Variants in SCN7A observed in about 807,000 individuals in gnomAD.
SCN7A encodes sodium voltage-gated channel alpha subunit 7.
Under a neutral mutation model 155.2 loss-of-function variants are expected in SCN7A, and 138 were observed. The ratio of observed to expected loss-of-function variants is 0.89; its 90% CI spans 0.77 to 1.02. The LOEUF is 1.02. Among genes scored for constraint, SCN7A ranks in the 50% least tolerant of loss-of-function variants. The pLI is 0.00. For synonymous variants in SCN7A, 693 were observed against 649.0 expected (o/e 1.07, Z -1.03); for missense variants, 2,058 against 1,986.6 (o/e 1.04, Z -0.68).
chr2:166,489,164 G>A (rs1380994101), intron 1 of SCN7A, among the ~76,000 whole-genome samples: 1 of 152,194 alleles, frequency 6.6e-6, no homozygotes, highest in Non-Finnish European at 1.5e-5. Context: ...GGAATGAGAT[G>A]GATATGTCTG....
At chr2:166,414,855 TAATA>T (rs1361219457) in intron 21 of SCN7A, 1 of 128,092 alleles carries the variant, frequency 7.8e-6, no homozygotes, top group African/African-American at 3.0e-5. Context: ...ATAGGATATA[TAATA>T]TATAATATAT....
chr2:166,463,591 A>G (rs1198881471), intron 9 of SCN7A, among the ~76,000 whole-genome samples: 3 of 152,304 alleles, frequency 2.0e-5, no homozygotes, highest in East Asian at 3.9e-4. Flanking sequence ...AATATCCATG[A>G]CCATGTGTAT....
rs776745425 is a variant in SCN7A, at chr2:166,462,513, T to A, written c.959A>T (p.Tyr320Phe). Reference sequence around the variant, plus strand: ...ATTTATGCCAGCTTTTACACACACATATCCTTCAGGACACTGACTAAAGAA... The same window carrying A: ...ATTTATGCCAGCTTTTACACACACAAATCCTTCAGGACACTGACTAAAGAA... ...RTDAGQCPEG[Y>F]VCVKAGINPD... is the part of the protein sequence containing the mutation. Residue 320 changes from tyrosine to phenylalanine, a missense_variant, in exon 10 of 26, where the codon TAT (tyrosine) becomes TTT (phenylalanine). Coordinates refer to ENST00000643258, the MANE Select transcript of SCN7A (RefSeq NM_002976.4). 6.2e-7 allele frequency: 1 copy of A among 1,613,846 alleles called. No homozygotes were observed. Among genetic ancestry groups the A allele is most frequent in the South Asian group, 1.1e-5 (1 of 91,052 alleles).
chr2:166,460,420 C>A (rs1413598546), intron 10 of SCN7A, among the ~76,000 whole-genome samples: 1 of 151,958 alleles, frequency 6.6e-6, no homozygotes, highest in African/African-American at 2.4e-5. Flanking sequence ...TAAAATAAGA[C>A]AAAAATACTT....
intron 20 of SCN7A, among the ~76,000 whole-genome samples, chr2:166,417,661 T>C (rs1701409758): frequency 6.6e-6 from 1 of 151,188 alleles, no homozygotes; most frequent in Non-Finnish European, 1.5e-5. Flanking sequence ...TCAAGATAAC[T>C]GAACCCATGT....
chr2:166,452,994 T>C (rs897512518), intron 11 of SCN7A, among the ~76,000 whole-genome samples: 7 of 152,318 alleles, frequency 4.6e-5, no homozygotes, highest in Middle Eastern at 3.4e-3. Flanking sequence ...TGTTTCTCTG[T>C]TGAAACAGCC....
intron 18 of SCN7A, among the ~76,000 whole-genome samples, chr2:166,426,678 A>T (rs1701631476): frequency 6.6e-6 from 1 of 152,076 alleles, no homozygotes; most frequent in Non-Finnish European, 1.5e-5. Flanking sequence ...AATCTATGGC[A>T]GTTGAAGTCC....
At position 166,462,434 on chromosome 2, in the gene SCN7A, T is replaced by C. The variant is rs756374073; in HGVS notation, c.1038A>G (p.Leu346=). ...FDSFGWALFA[L]FRLMAQDYPE... ...GGTAATCCTGAGCCATTAACCGAAA[T>C]AGGGCAAATAAGGCCCAGCCAAAAC... The change falls in exon 10 of 26, where the codon CTA becomes CTG. Residue 346 remains leucine (L), a synonymous_variant. Coordinates refer to ENST00000643258, the MANE Select transcript of SCN7A (RefSeq NM_002976.4). 3.7e-6 allele frequency: 6 copies of C among 1,609,550 alleles called. No individual in the cohort carries two copies. The highest frequency in any genetic ancestry group is 4.2e-6 in the Non-Finnish European group (5 of 1,177,684).
intron 25 of SCN7A, 25 bp from the exon 26 acceptor site, chr2:166,406,671 G>A (rs1326999072): frequency 7.0e-7 from 1 of 1,437,828 alleles, no homozygotes; most frequent in Admixed American, 2.1e-5. Context: ...GATAAAGCAG[G>A]CTATACATTA....
intron 16 of SCN7A, among the ~76,000 whole-genome samples, chr2:166,431,754 G>T (rs1209743650): frequency 1.3e-5 from 2 of 152,020 alleles, no homozygotes; most frequent in African/African-American, 4.8e-5. Context: ...AAACTGGGAG[G>T]TTTTAAAAAT....
intron 15 of SCN7A, chr2:166,436,378 T>C: frequency 6.8e-6 from 3 of 438,506 alleles, no homozygotes; most frequent in South Asian, 3.2e-5. Flanking sequence ...GCTGCTGCAA[T>C]GTGAAGGACA....
chr2:166,436,465 CCT>C lies in SCN7A; in HGVS notation c.2158-3715_2158-3714del, dbSNP rs142366314. 1.3e-4 allele frequency: 50 copies of C among 390,662 alleles called. No individual in the cohort carries two copies. In the East Asian group the frequency reaches 4.1e-3, roughly 32 times the overall value. 24.2% of individuals were successfully genotyped at this position (390,662 alleles called of 1,614,324 possible). On this transcript the variant is annotated intron_variant, in intron 15 of 25. Transcript: ENST00000643258. ...CCTGTGGAACCGTGAGTCAGTTAAACCTCTTTCTTTTGTAAATTATCCAGCCT... is the reference window on the plus strand; with the variant it reads ...CCTGTGGAACCGTGAGTCAGTTAAACCTTTCTTTTGTAAATTATCCAGCCT...
chr2:166,415,216 T>C (rs2105377031), intron 21 of SCN7A, among the ~76,000 whole-genome samples: 1 of 146,514 alleles, frequency 6.8e-6, no homozygotes, highest in East Asian at 2.0e-4. Flanking sequence ...GTATTTAACT[T>C]TTGTCTCTTT....
chr2:166,421,275 C>T lies in SCN7A; in HGVS notation c.3050G>A (p.Gly1017Asp). The change falls in exon 20 of 26, where the codon GGC (glycine) becomes GAC (aspartate). Residue 1017 changes from glycine (G) to aspartate (D), a missense_variant. By Grantham distance (94) the Gly-to-Asp change is moderately conservative. Coordinates refer to ENST00000643258, the MANE Select transcript of SCN7A (RefSeq NM_002976.4). ...VVIVFCLSLI[G>D]KTREELKPLI... ...AGGTTTTAGTTCTTCCCGAGTTTTG[C>T]CTATTAAGCTAAGACAAAACACCTA... is the stretch of plus-strand genomic sequence containing the variant. 1.3e-6 allele frequency: 2 copies of T among 1,527,606 alleles called. No homozygotes were observed. The highest frequency in any genetic ancestry group is 2.1e-5 in the Admixed American group (1 of 48,000). The allele number at this position is 1,527,606 out of a possible 1,614,324, so 94.6% of individuals were successfully genotyped here.
intron 11 of SCN7A, among the ~76,000 whole-genome samples, chr2:166,448,714 G>T (rs914955294): frequency 6.6e-6 from 1 of 152,264 alleles, no homozygotes; most frequent in South Asian, 2.1e-4. Flanking sequence ...ACCAGGAAAT[G>T]GTTGTGGTAT....
In SCN7A at chr2:166,423,292, A is replaced by T; in HGVS notation, c.2994T>A (p.Asn998Lys). The change falls in exon 19 of 26, where the codon AAT (asparagine) becomes AAA (lysine). Residue 998 changes from asparagine to lysine, a missense_variant. Transcript: ENST00000643258. Reference protein sequence around the residue: ...MAYGFKAYFSNGWYRLDFVVV... With the variant: ...MAYGFKAYFSKGWYRLDFVVV... ...CCACGAAGTCCAGCCTGTACCAGCC[A>T]TTAGAGAAATAGGCCTTAAAACCAT... 1.9e-6 allele frequency: 3 copies of T among 1,610,228 alleles called. No individual in the cohort carries two copies. Among genetic ancestry groups the T allele is most frequent in the Non-Finnish European group, 2.5e-6 (3 of 1,178,680 alleles).
intron 17 of SCN7A, 50 bp from the exon 18 acceptor site, chr2:166,427,992 A>G (rs1384914290): frequency 1.9e-6 from 3 of 1,576,426 alleles, no homozygotes; most frequent in East Asian, 4.5e-5. Context: ...CTCATGAAAA[A>G]GTAAACAACT....
intron 12 of SCN7A, 73 bp downstream of exon 12, chr2:166,447,539 G>T: frequency 1.1e-6 from 1 of 923,282 alleles, no homozygotes; most frequent in Non-Finnish European, 1.7e-6. Context: ...TGAAGAAATT[G>T]CTGAATTTCT....
rs970527678 is a variant in SCN7A, at chr2:166,429,163, T to C, written c.2698+6A>G. On this transcript the variant is annotated splice_donor_region_variant and intron_variant, in intron 17 of 25. Coordinates refer to ENST00000643258, the MANE Select transcript of SCN7A (RefSeq NM_002976.4). Reference sequence around the variant, plus strand: ...TTTCCTAGCAAGATTAACAAAATTTTCTTACCATTTTTCAGATGCTTTGAT... The same window carrying C: ...TTTCCTAGCAAGATTAACAAAATTTCCTTACCATTTTTCAGATGCTTTGAT... The C allele has an allele frequency of 8.7e-6, 13 of 1,502,460 alleles. No individual in the cohort carries two copies. In the African/African-American group the frequency reaches 1.8e-4, roughly 21 times the overall value. The allele number at this position is 1,502,460 out of a possible 1,614,324, so 93.1% of individuals were successfully genotyped here. A position where few individuals can be genotyped will look rare whatever the true frequency, so the allele number is the denominator to read the frequency against.
Sources: allele counts gnomAD v4.1 joint callset (sites outside exome capture counted in the v4.1 genomes callset), GRCh38; gene constraint gnomAD v4.1.1; transcripts MANE v1.5; gene names NCBI Gene and HGNC (gene_info 2026-07-23, HGNC 2026-07-21).